Variants in LRP5 observed in about 807,000 individuals in gnomAD.
The protein encoded by LRP5 is low-density lipoprotein receptor-related protein 5.
LRP5 carries 62 observed loss-of-function variants against 154.1 expected under a neutral mutation model. The ratio of observed to expected loss-of-function variants is 0.40; its 90% confidence interval spans 0.33 to 0.50. The LOEUF (loss-of-function observed/expected upper bound fraction) is 0.50. Among genes scored for constraint, LRP5 ranks in the 20% least tolerant of loss-of-function variants. The pLI is 0.55. For synonymous variants in LRP5, 966 were observed against 1,011.5 expected, an observed-to-expected ratio of 0.96 and a Z score of 0.85; for missense variants, 1,915 against 2,336.7, an observed-to-expected ratio of 0.82 and a Z score of 3.72.
chr11:68,341,059 CTTTTTTT>C (rs576462333), intron 1 of LRP5, among the ~76,000 whole-genome samples: 1,112 of 83,516 alleles, frequency 0.013, 64 homozygotes, highest in African/African-American at 0.048. Context: ...GGAGATTGTT[CTTTTTTT>C]TTTTTTTTTT....
intron 18 of LRP5, 111 bp downstream of exon 18, chr11:68,433,949 T>A: frequency 9.6e-7 from 1 of 1,040,246 alleles, no homozygotes; most frequent in Non-Finnish European, 1.4e-6. Context: ...AACCTTTGCT[T>A]GCAGGGAGAT....
chr11:68,321,396 G>C (rs562227793), intron 1 of LRP5, among the ~76,000 whole-genome samples: 78 of 152,306 alleles, frequency 5.1e-4, no homozygotes, highest in African/African-American at 1.8e-3. Context: ...GTGAACTTCA[G>C]AGCCGTCCTA....
chr11:68,418,563 G>A (rs1037910890), intron 13 of LRP5, among the ~76,000 whole-genome samples: 1 of 152,166 alleles, frequency 6.6e-6, no homozygotes, highest in African/African-American at 2.4e-5. Context: ...CGTCGGTTTC[G>A]CTGTTGTGCT....
intron 1 of LRP5, among the ~76,000 whole-genome samples, chr11:68,324,719 C>T (rs1565317318): frequency 6.6e-6 from 1 of 152,246 alleles, no homozygotes; most frequent in Non-Finnish European, 1.5e-5. Context: ...ACTGGCAGAG[C>T]AGAGGCTGGT....
chr11:68,387,965 G>A (rs533822922), intron 6 of LRP5, among the ~76,000 whole-genome samples: 2 of 152,310 alleles, frequency 1.3e-5, no homozygotes, highest in East Asian at 1.9e-4. Context: ...AGCCCTGGGG[G>A]TTGTGAGTGT....
At chr11:68,389,510 C>T (rs1348604959) in intron 6 of LRP5, among the ~76,000 whole-genome samples, 11 of 151,992 alleles carry the variant, frequency 7.2e-5, no homozygotes, top group East Asian at 1.9e-4. Flanking sequence ...CTACCAACAC[C>T]GACATTTACC....
At chr11:68,429,541 C>T in intron 16 of LRP5, 34 bp from the exon 17 acceptor site, 3 of 1,613,168 alleles carry the variant, frequency 1.9e-6, no homozygotes, top group Non-Finnish European at 2.5e-6. Flanking sequence ...GGAGACAGAG[C>T]CTGACCTCTG....
chr11:68,402,814 G>C (rs1225677024), intron 7 of LRP5, among the ~76,000 whole-genome samples: 1 of 152,210 alleles, frequency 6.6e-6, no homozygotes, highest in African/African-American at 2.4e-5. Context: ...AGCCTGCAGT[G>C]GTTCGGGAGA....
At chr11:68,403,431 C>T (rs1328562547) in intron 7 of LRP5, 52 bp from the exon 8 acceptor site, 2 of 1,555,530 alleles carry the variant, frequency 1.3e-6, no homozygotes, top group Non-Finnish European at 1.8e-6. Flanking sequence ...CGGGTTGGCT[C>T]TCGTTGGTGT....
At chr11:68,323,831 G>A (rs989679941) in intron 1 of LRP5, among the ~76,000 whole-genome samples, 2 of 152,204 alleles carry the variant, frequency 1.3e-5, no homozygotes, top group Non-Finnish European at 1.5e-5. Flanking sequence ...TTATGCCCCC[G>A]GGAGTTCATG....
chr11:68,363,562 C>T (rs1161452882), intron 3 of LRP5, among the ~76,000 whole-genome samples, 185 bp from the exon 4 acceptor site: 2 of 151,578 alleles, frequency 1.3e-5, no homozygotes, highest in Non-Finnish European at 1.5e-5. Flanking sequence ...GAGGCTGAGG[C>T]AGGATAATTG....
intron 7 of LRP5, among the ~76,000 whole-genome samples, chr11:68,393,774 T>C (rs1565071683): frequency 6.6e-6 from 1 of 152,046 alleles, no homozygotes; most frequent in Non-Finnish European, 1.5e-5. Flanking sequence ...AGAGTGAAAC[T>C]CCATCTAAAA....
chr11:68,331,981 T>C (rs1479398249), intron 1 of LRP5, among the ~76,000 whole-genome samples: 2 of 151,606 alleles, frequency 1.3e-5, no homozygotes, highest in Non-Finnish European at 2.9e-5. Flanking sequence ...AGAGGGCAGG[T>C]GGGGGCCAAG....
chr11:68,398,376 T>C (rs1470812245), intron 7 of LRP5, among the ~76,000 whole-genome samples: 1 of 152,192 alleles, frequency 6.6e-6, no homozygotes, highest in Admixed American at 6.5e-5. Flanking sequence ...GGTGTGCTGG[T>C]CAGGGGGGCG....
At chr11:68,399,252 T>A (rs1310598159) in intron 7 of LRP5, among the ~76,000 whole-genome samples, 1 of 151,758 alleles carries the variant, frequency 6.6e-6, no homozygotes, top group East Asian at 1.9e-4. Flanking sequence ...ACGCCTGTGG[T>A]CCCAGCTACT....
intron 16 of LRP5, among the ~76,000 whole-genome samples, chr11:68,428,087 G>A (rs1293638758): frequency 6.6e-6 from 1 of 151,474 alleles, no homozygotes; most frequent in African/African-American, 2.4e-5. Context: ...CTGCCTCCCA[G>A]GTTCAAGTGA....
At chr11:68,439,106 C>T (rs1273801881) in intron 20 of LRP5, among the ~76,000 whole-genome samples, 3 of 152,218 alleles carry the variant, frequency 2.0e-5, no homozygotes, top group East Asian at 1.9e-4. Flanking sequence ...ACAATTCCTA[C>T]GTGGCCCAGG....
intron 9 of LRP5, 43 bp from the exon 10 acceptor site, chr11:68,409,871 T>TG (rs1215068445): frequency 4.4e-6 from 6 of 1,366,694 alleles, no homozygotes; most frequent in Non-Finnish European, 6.2e-6. Context: ...AAAAAGATGC[T>TG]GGTTCCTAAA....
chr11:68,447,651 C>A lies in LRP5; in HGVS notation c.4586+1118C>A, dbSNP rs766730295. Reference sequence around the variant, plus strand: ...TCCTGCTCTGGGCCCACCGCGGACACATCTTCCCCCCGCCCGCCGTCTGAC... The same window carrying A: ...TCCTGCTCTGGGCCCACCGCGGACAAATCTTCCCCCCGCCCGCCGTCTGAC... On this transcript the variant is annotated intron_variant, in intron 22 of 22. Transcript: ENST00000294304. This position sits in a 1 kb window ranked among gnomAD's most constrained non-coding sequence, Gnocchi z 4.3. 7.9e-5 allele frequency among the ~76,000 whole-genome samples: 12 copies of A among 152,310 alleles called. No individual in the cohort carries two copies. Among genetic ancestry groups the A allele is most frequent in the Middle Eastern group, 3.4e-3 (1 of 294 alleles).
Sources: gnomAD v4.1 joint callset for allele counts (sites outside exome capture counted in the v4.1 genomes callset) on GRCh38, gnomAD v4.1.1 for gene constraint, Gnocchi (gnomAD v3.1) non-coding constraint, MANE v1.5 for transcripts, NCBI Gene and HGNC (gene_info 2026-07-23, HGNC 2026-07-21) for gene names.